Variants in EIF4EBP2 observed in about 807,000 individuals in gnomAD.
The protein encoded by EIF4EBP2 is eukaryotic translation initiation factor 4E binding protein 2, also known as eukaryotic translation initiation factor 4E-binding protein 2.
Under a neutral mutation model 10.3 loss-of-function variants are expected in EIF4EBP2, and 5 were observed. The ratio of observed to expected loss-of-function variants is 0.48; its 90% CI spans 0.25 to 1.02. The LOEUF (loss-of-function observed/expected upper bound fraction) is 1.02. Ranked by LOEUF, EIF4EBP2 falls within the 50% of genes least tolerant of loss-of-function variation. EIF4EBP2 has a pLI of 0.15. For synonymous variants in EIF4EBP2, 67 were observed against 61.1 expected, an observed-to-expected ratio of 1.10 and a Z score of -0.45; for missense variants, 188 against 162.2, an observed-to-expected ratio of 1.16 and a Z score of -0.86.
In EIF4EBP2 at chr10:70,404,365, G is replaced by A. The variant is rs1844945547; in HGVS notation, c.-37G>A. 2.0e-6 allele frequency: 3 copies of A among 1,509,200 alleles called. No homozygotes were observed. Among genetic ancestry groups the A allele is most frequent in the African/African-American group, 2.9e-5 (2 of 68,508 alleles). 93.5% of individuals were successfully genotyped at this position (1,509,200 alleles called of 1,614,324 possible). The stretch of plus-strand genomic sequence containing the variant: ...AGCCCCGGCCCCGCCGCCGCCGCCT[G>A]CCCGCCGGACAAAGCCGAGAGCCCG... On this transcript the variant is annotated 5_prime_UTR_variant, in exon 1 of 3. Coordinates refer to ENST00000373218, the MANE Select transcript of EIF4EBP2 (RefSeq NM_004096.5).
chr10:70,412,578 G>A (rs946188512), intron 1 of EIF4EBP2, among the ~76,000 whole-genome samples: 1 of 152,086 alleles, frequency 6.6e-6, no homozygotes, highest in Non-Finnish European at 1.5e-5. Flanking sequence ...AGGCCGTTAC[G>A]CTTGAATGAC....
chr10:70,423,072 A>C lies in EIF4EBP2; in HGVS notation c.*1325A>C, dbSNP rs1393346143. On this transcript the variant is annotated 3_prime_UTR_variant, in exon 3 of 3. Transcript: ENST00000373218. ...ATACCTGAAGTGTTGGTATCTGAGA[A>C]TATCTGTCACTCCTCTTATCTGAGA... 3.9e-5 allele frequency: 6 copies of C among 152,568 alleles called. No individual in the cohort carries two copies. The highest frequency in any genetic ancestry group is 8.8e-5 in the Non-Finnish European group (6 of 68,038). The allele number at this position is 152,568 out of a possible 1,614,324, so 9.5% of individuals were successfully genotyped here.
chr10:70,422,027 T>G lies in EIF4EBP2; in HGVS notation c.*280T>G, dbSNP rs1589149046. On this transcript the variant is annotated 3_prime_UTR_variant, in exon 3 of 3. Coordinates refer to ENST00000373218, the MANE Select transcript of EIF4EBP2 (RefSeq NM_004096.5). The stretch of plus-strand genomic sequence containing the variant: ...CTAAGCAGCCCTTAGAGGAAAACAG[T>G]TCAACTCTGACTTTCCTAGTTGTTT... 1 of 421,100 alleles carries G rather than the reference T, an allele frequency of 2.4e-6. No homozygotes were observed. The highest frequency in any genetic ancestry group is 3.5e-5 in the East Asian group (1 of 28,628). 26.1% of individuals were successfully genotyped at this position (421,100 alleles called of 1,614,324 possible).
chr10:70,415,193 C>G (rs942871834), intron 1 of EIF4EBP2, among the ~76,000 whole-genome samples: 1 of 151,150 alleles, frequency 6.6e-6, no homozygotes, highest in Non-Finnish European at 1.5e-5. Context: ...AGAAAGCAAT[C>G]CCATTTACAA....
In EIF4EBP2 at chr10:70,422,044, T is replaced by TA. The variant is rs1453537823; in HGVS notation, c.*298dup. 7 of 396,394 alleles carry TA rather than the reference T, an allele frequency of 1.8e-5. No individual in the cohort carries two copies. The highest frequency in any genetic ancestry group is 3.2e-5 in the Non-Finnish European group (7 of 217,478). 24.6% of individuals were successfully genotyped at this position (396,394 alleles called of 1,614,324 possible). On this transcript the variant is annotated 3_prime_UTR_variant, in exon 3 of 3. Transcript: ENST00000373218. ...GAAAACAGTTCAACTCTGACTTTCC[T>TA]AGTTGTTTTTTTATTGAGAGCCACC...
At position 70,424,781 on chromosome 10, in the gene EIF4EBP2, T is replaced by C. The variant is rs1845190816; in HGVS notation, c.*3034T>C. ...CATTGTCATGATTCTGTCTTCTTTTTAGTGTGGTTTATTGAGTTCAGCAGT... is the reference window on the plus strand; with the variant it reads ...CATTGTCATGATTCTGTCTTCTTTTCAGTGTGGTTTATTGAGTTCAGCAGT... On this transcript the variant is annotated 3_prime_UTR_variant, in exon 3 of 3. Coordinates refer to ENST00000373218, the MANE Select transcript of EIF4EBP2 (RefSeq NM_004096.5). 1 of 152,220 alleles carries C rather than the reference T, an allele frequency of 6.6e-6. No individual in the cohort carries two copies. Among genetic ancestry groups the C allele is most frequent in the Admixed American group, 6.5e-5 (1 of 15,282 alleles). The allele number at this position is 152,220 out of a possible 1,614,324, so 9.4% of individuals were successfully genotyped here.
At chr10:70,405,610 C>T (rs374293042) in intron 1 of EIF4EBP2, among the ~76,000 whole-genome samples, 12 of 152,312 alleles carry the variant, frequency 7.9e-5, no homozygotes, top group African/African-American at 2.9e-4. Context: ...CTTCGCAGCT[C>T]CTGCGGTCTA....
intron 1 of EIF4EBP2, among the ~76,000 whole-genome samples, chr10:70,414,049 G>A (rs1347729050): frequency 3.3e-5 from 5 of 152,184 alleles, no homozygotes; most frequent in Admixed American, 1.3e-4. Flanking sequence ...TTCAGAAAAT[G>A]TACATCTGTG....
intron 1 of EIF4EBP2, among the ~76,000 whole-genome samples, chr10:70,407,729 G>GA (rs1364288706): frequency 3.7e-5 from 1 of 26,750 alleles, no homozygotes; most frequent in East Asian, 2.7e-3. Flanking sequence ...GCGGGGGGCT[G>GA]ACCCCCCCCC....
At position 70,427,413 on chromosome 10, in the gene EIF4EBP2, T is replaced by G. The variant is rs1445209627; in HGVS notation, c.*5666T>G. On this transcript the variant is annotated 3_prime_UTR_variant, in exon 3 of 3. Transcript: ENST00000373218. ...CTACCCCAGGGCCGCTTCCTGTTCCTAGTCATGGTTTTCCAGTTTAGTAGT... is the reference window on the plus strand; with the variant it reads ...CTACCCCAGGGCCGCTTCCTGTTCCGAGTCATGGTTTTCCAGTTTAGTAGT... 1.3e-5 allele frequency: 2 copies of G among 152,218 alleles called. No individual in the cohort carries two copies. Among genetic ancestry groups the G allele is most frequent in the African/African-American group, 2.4e-5 (1 of 41,474 alleles). 9.4% of individuals were successfully genotyped at this position (152,218 alleles called of 1,614,324 possible).
Position 70,419,993 on chromosome 10 carries a change from G to T in EIF4EBP2, c.225G>T (p.Leu75=), listed in dbSNP as rs920406558. ...SPMAQTPPCH[L]PNIPGVTSPG... is the part of the protein sequence containing the mutation. ...TGGCTCAGACCCCACCCTGCCACCTGCCCAATATCCCAGGAGTCACTAGCC... is the reference window on the plus strand; with the variant it reads ...TGGCTCAGACCCCACCCTGCCACCTTCCCAATATCCCAGGAGTCACTAGCC... The change falls in exon 2 of 3, where the codon CTG becomes CTT. Residue 75 remains leucine, a synonymous_variant. Transcript: ENST00000373218. 34 of 1,613,114 alleles carry T rather than the reference G, an allele frequency of 2.1e-5. No individual in the cohort carries two copies. In the Admixed American group the frequency reaches 3.7e-4, roughly 17 times the overall value.
intron 1 of EIF4EBP2, among the ~76,000 whole-genome samples, chr10:70,406,634 T>G (rs1023810977): frequency 2.6e-5 from 4 of 152,252 alleles, no homozygotes; most frequent in African/African-American, 9.6e-5. Context: ...CTTTAAGCGT[T>G]GCTTCAAAGA....
Position 70,421,925 on chromosome 10 carries a change from A to G in EIF4EBP2, c.*178A>G, listed in dbSNP as rs755850008. On this transcript the variant is annotated 3_prime_UTR_variant, in exon 3 of 3. Coordinates refer to ENST00000373218, the MANE Select transcript of EIF4EBP2 (RefSeq NM_004096.5). ...ATGGGAAGATGAGCTTCATCTGACCATTTCTTCTCCCTGTCTCCTGTTCCC... is the reference window on the plus strand; with the variant it reads ...ATGGGAAGATGAGCTTCATCTGACCGTTTCTTCTCCCTGTCTCCTGTTCCC... 2 of 588,456 alleles carry G rather than the reference A, an allele frequency of 3.4e-6. No homozygotes were observed. The highest frequency in any genetic ancestry group is 6.1e-6 in the Non-Finnish European group (2 of 329,918). The allele number at this position is 588,456 out of a possible 1,614,324, so 36.5% of individuals were successfully genotyped here.
At position 70,428,520 on chromosome 10, in the gene EIF4EBP2, A is replaced by C. The variant is rs2132209084; in HGVS notation, c.*6773A>C. 1 of 152,334 alleles carries C rather than the reference A, an allele frequency of 6.6e-6. No individual in the cohort carries two copies. The highest frequency in any genetic ancestry group is 2.1e-4 in the South Asian group (1 of 4,830). 9.4% of individuals were successfully genotyped at this position (152,334 alleles called of 1,614,324 possible). On this transcript the variant is annotated 3_prime_UTR_variant, in exon 3 of 3. Coordinates refer to ENST00000373218, the MANE Select transcript of EIF4EBP2 (RefSeq NM_004096.5). ...GATCAGTTGTTTTTGTATTTTAACTATTCTTCCAAACCAGCAGATGTTTGG... is the reference window on the plus strand; with the variant it reads ...GATCAGTTGTTTTTGTATTTTAACTCTTCTTCCAAACCAGCAGATGTTTGG...
rs1589149022 is a variant in EIF4EBP2, at chr10:70,421,948, C to T, written c.*201C>T. 1.8e-6 allele frequency: 1 copy of T among 571,322 alleles called. No homozygotes were observed. The highest frequency in any genetic ancestry group is 3.1e-6 in the Non-Finnish European group (1 of 319,346). The allele number at this position is 571,322 out of a possible 1,614,324, so 35.4% of individuals were successfully genotyped here. A position where few individuals can be genotyped will look rare whatever the true frequency, so the allele number is the denominator to read the frequency against. On this transcript the variant is annotated 3_prime_UTR_variant, in exon 3 of 3. Transcript: ENST00000373218. ...CCATTTCTTCTCCCTGTCTCCTGTT[C>T]CCCTTCCCAGTTAAACAGGTTAGAT...
chr10:70,420,113 G>A lies in EIF4EBP2; in HGVS notation c.331+14G>A, dbSNP rs1027906334. The A allele has an allele frequency of 7.5e-6, 12 of 1,590,344 alleles. No homozygotes were observed. Among genetic ancestry groups the A allele is most frequent in the African/African-American group, 1.4e-5 (1 of 73,854 alleles). On this transcript the variant is annotated intron_variant, in intron 2 of 2. Transcript: ENST00000373218. ...AACATGCAGTTGGTAAGAGAATGGC[G>A]ATGTTGGAGACCTAGAGCGTGGCTC... is the stretch of plus-strand genomic sequence containing the variant.
intron 1 of EIF4EBP2, among the ~76,000 whole-genome samples, chr10:70,405,692 C>G (rs1339479517): frequency 6.6e-6 from 1 of 152,152 alleles, no homozygotes; most frequent in Non-Finnish European, 1.5e-5. Flanking sequence ...GCAGTTAGGC[C>G]TGGACCATCC....
chr10:70,420,194 T>C (rs758447474), intron 2 of EIF4EBP2, 95 bp downstream of exon 2: 35 of 1,220,294 alleles, frequency 2.9e-5, no homozygotes, highest in Non-Finnish European at 3.9e-5. Context: ...TCTTCAGTTT[T>C]GTTTTTTGTT....
At chr10:70,409,105 G>A (rs958137734) in intron 1 of EIF4EBP2, among the ~76,000 whole-genome samples, 4 of 152,194 alleles carry the variant, frequency 2.6e-5, no homozygotes, top group Admixed American at 6.5e-5. Flanking sequence ...ATTCATTGGG[G>A]ATCACAGGAG....
Sources: gnomAD v4.1 joint callset for allele counts (sites outside exome capture counted in the v4.1 genomes callset) on GRCh38, gnomAD v4.1.1 for gene constraint, MANE v1.5 for transcripts, NCBI Gene and HGNC (gene_info 2026-07-23, HGNC 2026-07-21) for gene names.